The following AKR1B15 variants were observed in gnomAD, a reference collection of about 807,000 sequenced individuals.
AKR1B15 encodes aldo-keto reductase family 1 member B15, also known as estradiol 17-beta-dehydrogenase AKR1B15.
Under a neutral mutation model 38.5 loss-of-function variants are expected in AKR1B15, and 49 were observed. That is an observed-to-expected ratio of 1.27 (90% CI 1.01 to 1.62). The LOEUF is 1.62. Among genes scored for constraint, AKR1B15 ranks in the 40% most tolerant of loss-of-function variants. AKR1B15 has a pLI of 0.00. For missense variants in AKR1B15, 411 were observed against 381.6 expected (o/e 1.08, Z -0.64); for synonymous variants, 137 against 135.5 (o/e 1.01, Z -0.08).
chr7:134,550,900 G>A (rs959907847), intron 1 of AKR1B15, among the ~76,000 whole-genome samples: 1 of 152,174 alleles, frequency 6.6e-6, no homozygotes, highest in African/African-American at 2.4e-5. Flanking sequence ...CTTCACAGCT[G>A]TTCAGGCTGT....
Position 134,568,248 on chromosome 7 carries a change from C to T in AKR1B15, c.241C>T (p.His81Tyr), listed in dbSNP as rs1447380164. Residue 81 changes from histidine to tyrosine, a missense_variant, in exon 4 of 12, where the codon CAT (histidine) becomes TAT (tyrosine). Physicochemically the swap from His to Tyr is moderately conservative, Grantham distance 83. Transcript: ENST00000457545. ...IDCAYFYENQ[H>Y]EVGEAIQEKI... ...CTGTGCCTATTTCTATGAGAATCAACATGAGGTGGGAGAAGCCATCCAAGA... is the reference window on the plus strand; with the variant it reads ...CTGTGCCTATTTCTATGAGAATCAATATGAGGTGGGAGAAGCCATCCAAGA... The T allele has an allele frequency of 6.2e-7, 1 of 1,613,964 alleles. No homozygotes were observed. The highest frequency in any genetic ancestry group is 8.5e-7 in the Non-Finnish European group (1 of 1,180,006).
intron 2 of AKR1B15, among the ~76,000 whole-genome samples, chr7:134,562,641 C>A (rs1794430025): frequency 1.3e-5 from 2 of 150,116 alleles, no homozygotes; most frequent in South Asian, 2.1e-4. Context: ...ATCTTACAAT[C>A]CTCTTGTAAG....
At chr7:134,562,159 C>T (rs536512830) in intron 2 of AKR1B15, among the ~76,000 whole-genome samples, 1 of 152,118 alleles carries the variant, frequency 6.6e-6, no homozygotes, top group South Asian at 2.1e-4. Context: ...TTGATTCCTT[C>T]CAGTGGTTTT....
At chr7:134,567,656 A>T (rs1794569529) in intron 3 of AKR1B15, among the ~76,000 whole-genome samples, 3 of 152,162 alleles carry the variant, frequency 2.0e-5, no homozygotes, top group Non-Finnish European at 4.4e-5. Flanking sequence ...AATGACCATT[A>T]TCCAGATCCT....
At chr7:134,550,721 C>A (rs1241540407) in intron 1 of AKR1B15, among the ~76,000 whole-genome samples, 7 of 152,190 alleles carry the variant, frequency 4.6e-5, no homozygotes, top group Non-Finnish European at 4.4e-5. Context: ...GTAAACTCTT[C>A]TTCCCGGCCC....
chr7:134,568,876 C>T (rs200583803), intron 4 of AKR1B15, among the ~76,000 whole-genome samples: 226 of 131,076 alleles, frequency 1.7e-3, no homozygotes, highest in African/African-American at 6.2e-3. Context: ...AAAAAAAAAA[C>T]AAAACACTAG....
chr7:134,559,554 G>A (rs539074155), intron 2 of AKR1B15, among the ~76,000 whole-genome samples: 2 of 152,254 alleles, frequency 1.3e-5, no homozygotes, highest in East Asian at 3.9e-4. Context: ...GATGTTGAAG[G>A]ACAGATCCAT....
intron 2 of AKR1B15, among the ~76,000 whole-genome samples, chr7:134,562,246 CAA>C (rs1163627249): frequency 1.3e-5 from 2 of 152,200 alleles, no homozygotes; most frequent in African/African-American, 4.8e-5. Flanking sequence ...GGCACAGACC[CAA>C]AGAGTGAGCA....
chr7:134,577,045 A>G lies in AKR1B15; in HGVS notation c.908A>G (p.Gln303Arg). The G allele has an allele frequency of 1.2e-6, 2 of 1,613,320 alleles. No homozygotes were observed. Among genetic ancestry groups the G allele is most frequent in the Non-Finnish European group, 1.7e-6 (2 of 1,179,366 alleles). Residue 303 changes from glutamine (Q) to arginine (R), a missense_variant and splice_region_variant, in exon 10 of 12, where the codon CAG (glutamine) becomes CGG (arginine). Physicochemically the swap from Gln to Arg is conservative, Grantham distance 43. Transcript: ENST00000457545. ...CCAGCACACATTGTTGAGAACATTC[A>G]GGTAAGTTTCCGGCTGGTCGGGCCT... ...MTPAHIVENI[Q>R]VFDFKLSDEE...
chr7:134,561,091 C>T (rs1049404385), intron 2 of AKR1B15, among the ~76,000 whole-genome samples: 7 of 152,112 alleles, frequency 4.6e-5, no homozygotes, highest in African/African-American at 1.4e-4. Context: ...TTTATAGTCA[C>T]AAAGGATTTA....
intron 5 of AKR1B15, chr7:134,569,912 A>G (rs1794631505): frequency 5.1e-6 from 1 of 196,584 alleles, no homozygotes; most frequent in Non-Finnish European, 1.1e-5. Context: ...GAACAATATC[A>G]AATATGGGCA....
intron 3 of AKR1B15, among the ~76,000 whole-genome samples, chr7:134,567,173 G>T (rs1794555914): frequency 6.6e-6 from 1 of 152,134 alleles, no homozygotes; most frequent in South Asian, 2.1e-4. Flanking sequence ...TCTGTTTTGT[G>T]TACTTTTCAA....
At chr7:134,578,999 C>T (rs80339756) in intron 11 of AKR1B15, among the ~76,000 whole-genome samples, 10,868 of 152,288 alleles carry the variant, frequency 0.071, 645 homozygotes, top group East Asian at 0.31. Context: ...CTGGTTTCTT[C>T]GCTGTGTGAC....
intron 3 of AKR1B15, among the ~76,000 whole-genome samples, chr7:134,566,626 A>G (rs1451544092): frequency 6.6e-6 from 1 of 152,144 alleles, no homozygotes; most frequent in Admixed American, 6.5e-5. Flanking sequence ...AGTGATGAGA[A>G]GCAGTCTTTG....
chr7:134,566,973 G>T (rs1163386404), intron 3 of AKR1B15, among the ~76,000 whole-genome samples: 1 of 152,176 alleles, frequency 6.6e-6, no homozygotes, highest in African/African-American at 2.4e-5. Flanking sequence ...GACAGTTTCA[G>T]AATTTTGGAA....
At chr7:134,554,519 A>C (rs1322190156) in intron 1 of AKR1B15, among the ~76,000 whole-genome samples, 1 of 152,092 alleles carries the variant, frequency 6.6e-6, no homozygotes, top group Non-Finnish European at 1.5e-5. Flanking sequence ...GAGCCATTTC[A>C]AGATCCCCCA....
At chr7:134,573,310 C>T (rs1207766557) in intron 6 of AKR1B15, 47 of 945,638 alleles carry the variant, frequency 5.0e-5, no homozygotes, top group East Asian at 1.2e-4. Flanking sequence ...AGATTACAGG[C>T]GTGAGCTATA....
chr7:134,573,841 AG>A (rs1794711040), intron 6 of AKR1B15, among the ~76,000 whole-genome samples: 1 of 152,200 alleles, frequency 6.6e-6, no homozygotes. Flanking sequence ...CCCAATGTCT[AG>A]GCTACAACTC....
chr7:134,558,380 G>A (rs914500907), intron 2 of AKR1B15, among the ~76,000 whole-genome samples: 6 of 152,216 alleles, frequency 3.9e-5, no homozygotes, highest in South Asian at 2.1e-4. Flanking sequence ...CCATTCTCAC[G>A]TGCAACCTCC....
Sources: gnomAD v4.1 joint callset for allele counts (sites outside exome capture counted in the v4.1 genomes callset) on GRCh38, gnomAD v4.1.1 for gene constraint, MANE v1.5 for transcripts, NCBI Gene and HGNC (gene_info 2026-07-23, HGNC 2026-07-21) for gene names.